Variants in NAALADL2 observed in about 807,000 individuals in gnomAD.
NAALADL2 encodes inactive N-acetylated-alpha-linked acidic dipeptidase-like protein 2.
NAALADL2 carries 76 observed loss-of-function variants against 87.2 expected under a neutral mutation model. The ratio of observed to expected loss-of-function variants is 0.87; its 90% CI spans 0.72 to 1.05. The LOEUF (loss-of-function observed/expected upper bound fraction) is 1.05, where lower values mean the gene tolerates loss of function less well. NAALADL2 is among the 50% of genes least tolerant of loss of function. The probability of loss-of-function intolerance (pLI) is 0.00; values close to 1 mark genes in which losing one functional copy is unlikely to be tolerated. For synonymous variants in NAALADL2, 354 were observed against 331.0 expected (o/e 1.07, Z -0.75); for missense variants, 1,089 against 945.8 (o/e 1.15, Z -1.99).
chr3:175,583,212 G>A (rs78130219), intron 10 of NAALADL2, among the ~76,000 whole-genome samples: 1,787 of 152,264 alleles, frequency 0.012, 36 homozygotes, highest in African/African-American at 0.04. Context: ...AGCATCAAGA[G>A]AGTATCGTGT....
intron 1 of NAALADL2, among the ~76,000 whole-genome samples, chr3:175,012,196 C>T (rs1014583557): frequency 6.6e-5 from 10 of 152,090 alleles, no homozygotes; most frequent in African/African-American, 2.4e-4. Context: ...TGGAGATTTG[C>T]TCCTGTTGCC....
At chr3:175,133,639 G>C (rs1728608035) in intron 2 of NAALADL2, among the ~76,000 whole-genome samples, 2 of 152,178 alleles carry the variant, frequency 1.3e-5, no homozygotes, top group Non-Finnish European at 2.9e-5. Context: ...GGCGAATCAG[G>C]CAGGGAGGCT....
At chr3:174,882,478 C>CATATACATATATACATATGTGTATGT (rs1553882176) in intron 1 of NAALADL2, among the ~76,000 whole-genome samples, 1 of 149,220 alleles carries the variant, frequency 6.7e-6, no homozygotes, top group African/African-American at 2.5e-5. Context: ...TATGTGTATG[C>CATATACATATATACATATGTGTATGT]ATACATATGT....
intron 5 of NAALADL2, among the ~76,000 whole-genome samples, chr3:175,330,768 A>C (rs1022104435): frequency 6.6e-6 from 1 of 152,170 alleles, no homozygotes; most frequent in Non-Finnish European, 1.5e-5. Context: ...AGAATAAGCC[A>C]AACCCATACT....
intron 2 of NAALADL2, among the ~76,000 whole-genome samples, chr3:174,553,954 G>T (rs1393398688): frequency 6.6e-6 from 1 of 151,904 alleles, no homozygotes; most frequent in Non-Finnish European, 1.5e-5. Flanking sequence ...AGCTAAATGT[G>T]GTCATTTTAA....
At chr3:175,278,091 A>C (rs989035578) in intron 4 of NAALADL2, among the ~76,000 whole-genome samples, 2 of 152,152 alleles carry the variant, frequency 1.3e-5, no homozygotes, top group African/African-American at 4.8e-5. Flanking sequence ...GCGCCACCGC[A>C]CTCCAGCCTG....
chr3:175,138,207 C>T (rs1298840902), intron 2 of NAALADL2, among the ~76,000 whole-genome samples: 1 of 152,082 alleles, frequency 6.6e-6, no homozygotes, highest in Non-Finnish European at 1.5e-5. Flanking sequence ...GAGAATGAAG[C>T]AGATTATCAC....
chr3:175,247,035 T>C (rs996019946), intron 3 of NAALADL2, among the ~76,000 whole-genome samples: 1 of 152,198 alleles, frequency 6.6e-6, no homozygotes, highest in Non-Finnish European at 1.5e-5. Context: ...TTTTCTTTGC[T>C]TTGACCATGT....
Position 175,634,280 on chromosome 3 carries a change from A to G in NAALADL2, c.1896+6894A>G, listed in dbSNP as rs1728203489. ...TTAATAGATTTATATTTGCTAACATACTATTTTAAATACATGACTTGCAAA... is the reference window on the plus strand; with the variant it reads ...TTAATAGATTTATATTTGCTAACATGCTATTTTAAATACATGACTTGCAAA... On this transcript the variant is annotated intron_variant, in intron 11 of 13. Coordinates refer to ENST00000454872, the MANE Select transcript of NAALADL2 (RefSeq NM_207015.3). Among the ~76,000 whole-genome samples, 6 of 152,132 alleles carry G rather than the reference A, an allele frequency of 3.9e-5. No homozygotes were observed. The South Asian group carries it at 1.2e-3, about 31-fold the overall frequency.
At chr3:174,622,798 T>C (rs1244328246) in intron 2 of NAALADL2, among the ~76,000 whole-genome samples, 2 of 152,030 alleles carry the variant, frequency 1.3e-5, no homozygotes, top group African/African-American at 2.4e-5. Flanking sequence ...CCCAGCACTT[T>C]GGGAGGCCGA....
At chr3:174,819,345 A>G (rs926823505) in intron 3 of NAALADL2, among the ~76,000 whole-genome samples, 8 of 151,946 alleles carry the variant, frequency 5.3e-5, no homozygotes, top group African/African-American at 1.7e-4. Flanking sequence ...GATTACAAGC[A>G]TGAGCCATTG....
intron 2 of NAALADL2, among the ~76,000 whole-genome samples, chr3:174,595,114 C>G (rs1460854625): frequency 2.0e-5 from 3 of 152,130 alleles, no homozygotes; most frequent in African/African-American, 4.8e-5. Flanking sequence ...TGGCCATTTT[C>G]TAGCTACCCA....
intron 1 of NAALADL2, among the ~76,000 whole-genome samples, chr3:174,870,663 A>G (rs1413446833): frequency 1.3e-5 from 2 of 152,164 alleles, no homozygotes; most frequent in Non-Finnish European, 2.9e-5. Flanking sequence ...ATCAAGGAAA[A>G]TCTGAATCAA....
rs902600615 is a variant in NAALADL2, at chr3:174,558,922, C to A, written c.-115+8285C>A. Among the ~76,000 whole-genome samples, 18 of 152,228 alleles carry A rather than the reference C, an allele frequency of 1.2e-4. No homozygotes were observed. In the South Asian group the frequency reaches 1.2e-3, roughly 11 times the overall value. ...CCTCCACTTGCTGCAGTTCTGTATA[C>A]ATGAAAATATGACATAAAATAGAGT... is the stretch of plus-strand genomic sequence containing the variant. On this transcript the variant is annotated intron_variant, in intron 2 of 3. Coordinates refer to the NAALADL2 transcript ENST00000434257.
chr3:175,641,191 G>A (rs1729240167), intron 11 of NAALADL2, among the ~76,000 whole-genome samples: 1 of 152,074 alleles, frequency 6.6e-6, no homozygotes, highest in Non-Finnish European at 1.5e-5. Flanking sequence ...CTTCTGGCAG[G>A]TCTCCATTTA....
chr3:175,432,648 T>C (rs1717959720), intron 5 of NAALADL2, among the ~76,000 whole-genome samples: 1 of 152,046 alleles, frequency 6.6e-6, no homozygotes, highest in East Asian at 1.9e-4. Flanking sequence ...TCATTTTCTG[T>C]AGAGTTCGAA....
chr3:175,050,319 G>T (rs1196524979), intron 1 of NAALADL2, among the ~76,000 whole-genome samples: 1 of 151,574 alleles, frequency 6.6e-6, no homozygotes, highest in African/African-American at 2.4e-5. Flanking sequence ...CTGGAGTGCA[G>T]TGGCGTGATC....
At chr3:175,435,253 C>T (rs780071551) in intron 5 of NAALADL2, among the ~76,000 whole-genome samples, 1 of 151,952 alleles carries the variant, frequency 6.6e-6, no homozygotes, top group Non-Finnish European at 1.5e-5. Context: ...CTTTAAAGAA[C>T]ACGTTAATGA....
chr3:175,659,068 G>T (rs2149807049), intron 11 of NAALADL2, among the ~76,000 whole-genome samples: 1 of 152,202 alleles, frequency 6.6e-6, no homozygotes, highest in Non-Finnish European at 1.5e-5. Flanking sequence ...GTAACTACGG[G>T]AAATTTAGTT....
Sources: gnomAD v4.1 joint callset for allele counts (sites outside exome capture counted in the v4.1 genomes callset) on GRCh38, gnomAD v4.1.1 for gene constraint, MANE v1.5 for transcripts, NCBI Gene and HGNC (gene_info 2026-07-23, HGNC 2026-07-21) for gene names.